The following LINS1 variants were observed in gnomAD, a reference collection of about 807,000 sequenced individuals.
LINS1 encodes the protein lines homolog 1.
A neutral mutation model predicts 41.6 loss-of-function variants in LINS1; 27 were observed. The ratio of observed to expected loss-of-function variants is 0.65; its 90% CI spans 0.48 to 0.89. The LOEUF (loss-of-function observed/expected upper bound fraction) is 0.89. Ranked by LOEUF, LINS1 falls within the 40% of genes least tolerant of loss-of-function variation. The pLI is 0.00. For missense variants in LINS1, 955 were observed against 884.1 expected (o/e 1.08, Z -1.02); for synonymous variants, 336 against 312.9 (o/e 1.07, Z -0.78).
At chr15:100,599,438 GTTGT>G (rs539597858) in intron 1 of LINS1, among the ~76,000 whole-genome samples, 1 of 152,164 alleles carries the variant, frequency 6.6e-6, no homozygotes, top group Non-Finnish European at 1.5e-5. Context: ...TTTGAAAATG[GTTGT>G]TTAACTCAAA....
chr15:100,595,372 C>T (rs2039201298), intron 1 of LINS1, among the ~76,000 whole-genome samples: 1 of 151,686 alleles, frequency 6.6e-6, no homozygotes, highest in Non-Finnish European at 1.5e-5. Flanking sequence ...ATGGATCAGA[C>T]ATGCACAGAC....
intron 1 of LINS1, among the ~76,000 whole-genome samples, chr15:100,594,405 ATGT>A (rs1255620403): frequency 2.6e-5 from 4 of 152,068 alleles, no homozygotes; most frequent in Non-Finnish European, 4.4e-5. Flanking sequence ...GTGGGATCAA[ATGT>A]TGTTGGCAGT....
At chr15:100,572,340 A>G (rs904295895) in intron 5 of LINS1, 3 of 1,218,076 alleles carry the variant, frequency 2.5e-6, no homozygotes, top group Non-Finnish European at 3.1e-6. Context: ...GTCTCTTAGA[A>G]ATAAAAGTTA....
At chr15:100,584,990 G>C (rs960712060) in intron 1 of LINS1, among the ~76,000 whole-genome samples, 1 of 152,128 alleles carries the variant, frequency 6.6e-6, no homozygotes, top group African/African-American at 2.4e-5. Context: ...GCCCACCCAG[G>C]CTCCAAATCC....
rs2038462087 is a variant in LINS1 at position 100,580,341 on chromosome 15, G to A, written c.411C>T (p.Phe137=). ...GAGATAACAATTTATCTGAATTTTG[G>A]AACATGCAGATCTACAGGAAAACAA... is the stretch of plus-strand genomic sequence containing the variant. ...AKVDSKLICM[F]QNSDKLLSHM... Residue 137 remains phenylalanine, a synonymous_variant, in exon 3 of 7, where the codon TTC becomes TTT. Transcript: ENST00000314742. 1.2e-6 allele frequency: 2 copies of A among 1,612,254 alleles called. No individual in the cohort carries two copies. The highest frequency in any genetic ancestry group is 1.7e-6 in the Non-Finnish European group (2 of 1,178,736).
In LINS1 at chr15:100,569,678, T is replaced by C. The variant is rs1164474998; in HGVS notation, c.1834A>G (p.Met612Val). ...KAVMSKGAHT[M>V]CASSLSSPRA... The stretch of plus-strand genomic sequence containing the variant: ...GGGGAAGACAGACTAGAAGCACACA[T>C]GGTGTGAGCCCCCTTGGACATCACA... Residue 612 changes from methionine to valine, a missense_variant, in exon 7 of 7, where the codon ATG becomes GTG. Physicochemically the swap from Met to Val is conservative, Grantham distance 21 (BLOSUM62 1). Transcript: ENST00000314742. 2 of 1,613,776 alleles carry C rather than the reference T, an allele frequency of 1.2e-6. No individual in the cohort carries two copies. The highest frequency in any genetic ancestry group is 2.2e-5 in the South Asian group (2 of 91,040).
chr15:100,577,509 C>T (rs1442059612), intron 3 of LINS1, among the ~76,000 whole-genome samples: 2 of 152,154 alleles, frequency 1.3e-5, no homozygotes, highest in Non-Finnish European at 2.9e-5. Context: ...AACCACTGCT[C>T]AACGAAGTAA....
rs1265825348 is a variant in LINS1, at chr15:100,569,601, C to T, written c.1911G>A (p.Val637=). 6.2e-7 allele frequency: 1 copy of T among 1,613,432 alleles called. No homozygotes were observed. Among genetic ancestry groups the T allele is most frequent in the Non-Finnish European group, 8.5e-7 (1 of 1,179,582 alleles). Residue 637 remains valine, a synonymous_variant, in exon 7 of 7, where the codon GTG becomes GTA. Transcript: ENST00000314742. ...VDYDSSDDSD[V]ESTEQCLANS... ...TAGCTAAACACTGCTCTGTGGATTC[C>T]ACGTCAGAATCGTCAGAGCTGTCGT... is the stretch of plus-strand genomic sequence containing the variant.
At chr15:100,572,904 G>C in intron 5 of LINS1, 2 of 690,594 alleles carry the variant, frequency 2.9e-6, no homozygotes, top group Non-Finnish European at 3.6e-6. Context: ...TTGTATGAAG[G>C]ATTAATACAA....
Position 100,568,554 on chromosome 15 carries a change from T to A in LINS1, c.*684A>T, listed in dbSNP as rs2037636506. 6.6e-6 allele frequency: 1 copy of A among 152,412 alleles called. No homozygotes were observed. The highest frequency in any genetic ancestry group is 2.4e-5 in the African/African-American group (1 of 41,472). 9.4% of individuals were successfully genotyped at this position (152,412 alleles called of 1,614,324 possible). A position where few individuals can be genotyped will look rare whatever the true frequency, so the allele number is the denominator to read the frequency against. The stretch of plus-strand genomic sequence containing the variant: ...AAGCCAGAAAGGGGCAGGGTGGGAT[T>A]CTTCTCCAGACCCTGAGGGCATTGC... On this transcript the variant is annotated 3_prime_UTR_variant, in exon 7 of 7. Transcript: ENST00000314742.
chr15:100,571,483 T>A (rs943324474), intron 6 of LINS1, among the ~76,000 whole-genome samples: 1 of 152,136 alleles, frequency 6.6e-6, no homozygotes, highest in African/African-American at 2.4e-5. Flanking sequence ...GAAACGAAAA[T>A]TCAGAACAGC....
rs757089085 is a variant in LINS1 at position 100,569,992 on chromosome 15, G to A, written c.1520C>T (p.Thr507Ile). The change falls in exon 7 of 7, where the codon ACA becomes ATA. Residue 507 changes from threonine (T) to isoleucine (I), a missense_variant. Physicochemically the swap from Thr to Ile is moderately conservative, Grantham distance 89. Coordinates refer to ENST00000314742, the MANE Select transcript of LINS1 (RefSeq NM_001040616.3). ...FFLKNIGFDS[T>I]VLLDFLISSE... is the part of the protein sequence containing the mutation. ...TGAAATCAAAAAGTCAAGAAGAACTGTGGAATCAAATCCTATATTTTTCAA... is the reference window on the plus strand; with the variant it reads ...TGAAATCAAAAAGTCAAGAAGAACTATGGAATCAAATCCTATATTTTTCAA... 2.6e-6 allele frequency: 4 copies of A among 1,564,318 alleles called. No individual in the cohort carries two copies. In the South Asian group the frequency reaches 3.6e-5, roughly 14 times the overall value.
chr15:100,592,830 C>T (rs1024735554), intron 1 of LINS1, among the ~76,000 whole-genome samples: 19 of 152,264 alleles, frequency 1.2e-4, no homozygotes, highest in Non-Finnish European at 2.5e-4. Flanking sequence ...GAATGAATGA[C>T]GACAATAGGT....
chr15:100,583,350 T>C (rs1275378734), intron 1 of LINS1, among the ~76,000 whole-genome samples: 2 of 152,274 alleles, frequency 1.3e-5, no homozygotes, highest in Non-Finnish European at 2.9e-5. Flanking sequence ...TGAGTTTCAA[T>C]TGTTGATTAC....
chr15:100,585,705 T>C (rs547136205), intron 1 of LINS1, among the ~76,000 whole-genome samples: 1 of 152,368 alleles, frequency 6.6e-6, no homozygotes, highest in Admixed American at 6.5e-5. Flanking sequence ...TATTTGTATG[T>C]ACACTTATTG....
chr15:100,583,305 G>A (rs2038653978), intron 1 of LINS1, among the ~76,000 whole-genome samples: 1 of 152,258 alleles, frequency 6.6e-6, no homozygotes, highest in Non-Finnish European at 1.5e-5. Flanking sequence ...CCTAGTCTTG[G>A]TCTTTAATGG....
chr15:100,572,203 CAGTT>C (rs2037870343), intron 5 of LINS1, 138 bp from the exon 6 acceptor site: 4 of 1,499,476 alleles, frequency 2.7e-6, no homozygotes, highest in African/African-American at 1.4e-5. Context: ...CATCAGGAAT[CAGTT>C]AGGAAGCATC....
At chr15:100,570,195 C>T (rs2037747838) in intron 6 of LINS1, 78 bp from the exon 7 acceptor site, 1 of 1,173,372 alleles carries the variant, frequency 8.5e-7, no homozygotes, top group Non-Finnish European at 1.2e-6. Context: ...AATTCACATA[C>T]CATAAATTAA....
Position 100,569,177 on chromosome 15 carries a change from C to T in LINS1, c.*61G>A. 1 of 1,099,426 alleles carries T rather than the reference C, an allele frequency of 9.1e-7. No homozygotes were observed. Among genetic ancestry groups the T allele is most frequent in the Non-Finnish European group, 1.4e-6 (1 of 730,438 alleles). 68.1% of individuals were successfully genotyped at this position (1,099,426 alleles called of 1,614,324 possible). A position where few individuals can be genotyped will look rare whatever the true frequency, so the allele number is the denominator to read the frequency against. On this transcript the variant is annotated 3_prime_UTR_variant, in exon 7 of 7. Coordinates refer to ENST00000314742, the MANE Select transcript of LINS1 (RefSeq NM_001040616.3). Reference sequence around the variant, plus strand: ...TATGGTGATGATTTTATACTATTACCTCATTGAGACATAATTTATATTAAG... The same window carrying T: ...TATGGTGATGATTTTATACTATTACTTCATTGAGACATAATTTATATTAAG...
Sources: allele counts gnomAD v4.1 joint callset (sites outside exome capture counted in the v4.1 genomes callset), GRCh38; gene constraint gnomAD v4.1.1; transcripts MANE v1.5; gene names NCBI Gene and HGNC (gene_info 2026-07-23, HGNC 2026-07-21).